Variants in NFATC1 observed in about 807,000 individuals in gnomAD.
NFATC1 encodes the protein nuclear factor of activated T-cells, cytoplasmic 1.
In NFATC1, 22 loss-of-function variants were observed where a neutral mutation model predicts 76.0. That is an observed-to-expected ratio of 0.29 (90% CI 0.21 to 0.41). The LOEUF is 0.41. Ranked by LOEUF, NFATC1 falls within the 10% of genes least tolerant of loss-of-function variation. The pLI, the probability that NFATC1 is intolerant of heterozygous loss-of-function variation, is 1.00. For missense variants in NFATC1, 1,357 were observed against 1,337.7 expected (o/e 1.01, Z -0.23); for synonymous variants, 704 against 613.1 (o/e 1.15, Z -2.19).
chr18:79,433,854 TC>T (rs2086682695), intron 3 of NFATC1, 116 bp downstream of exon 3: 2 of 1,324,950 alleles, frequency 1.5e-6, no homozygotes, highest in South Asian at 3.0e-5. Context: ...GAATGCTCTG[TC>T]GTGGTTAGTC....
At chr18:79,405,359 C>T (rs946590383) in intron 1 of NFATC1, among the ~76,000 whole-genome samples, 2 of 152,212 alleles carry the variant, frequency 1.3e-5, no homozygotes, top group East Asian at 1.9e-4. Context: ...GTGGGGTCAC[C>T]GAGCTCTGTG....
At chr18:79,512,452 A>G (rs1456553119) in intron 9 of NFATC1, among the ~76,000 whole-genome samples, 2 of 152,190 alleles carry the variant, frequency 1.3e-5, no homozygotes, top group Non-Finnish European at 2.9e-5. Flanking sequence ...TTTTCTAGAC[A>G]GCCTCCCAAG....
Position 79,467,490 on chromosome 18 carries a change from G to A in NFATC1, c.2000G>A (p.Arg667Lys). Residue 667 changes from arginine to lysine, a missense_variant, in exon 8 of 10, where the codon AGG becomes AAG. Arg to Lys is a conservative substitution (Grantham distance 26, BLOSUM62 2). This residue lies in a region of NFATC1 where 424 missense variants were observed against 395.4 expected (regional missense o/e 1.07). Transcript: ENST00000427363. ...GAGATCCCGCCATTTCGGAATCAGA[G>A]GATAACCAGCCCCGTTCACGTCAGT... is the stretch of plus-strand genomic sequence containing the variant. ...VVEIPPFRNQ[R>K]ITSPVHVSFY... 2 of 1,611,964 alleles carry A rather than the reference G, an allele frequency of 1.2e-6. No homozygotes were observed. Among genetic ancestry groups the A allele is most frequent in the East Asian group, 2.2e-5 (1 of 44,762 alleles).
intron 6 of NFATC1, among the ~76,000 whole-genome samples, chr18:79,457,719 TC>T: frequency 6.6e-6 from 1 of 152,152 alleles, no homozygotes; most frequent in East Asian, 1.9e-4. Context: ...TGCTCTCCCT[TC>T]CCCCACCCCG....
intron 6 of NFATC1, among the ~76,000 whole-genome samples, chr18:79,461,014 A>C (rs2088040908): frequency 6.6e-6 from 1 of 152,206 alleles, no homozygotes; most frequent in Non-Finnish European, 1.5e-5. Context: ...ATTCCTGAGG[A>C]TGCCCCTGCC....
intron 4 of NFATC1, among the ~76,000 whole-genome samples, chr18:79,449,249 C>T (rs1350768213): frequency 6.6e-6 from 1 of 152,234 alleles, no homozygotes; most frequent in African/African-American, 2.4e-5. Context: ...AGCTTCTAAA[C>T]AGGACCCCTA....
intron 9 of NFATC1, among the ~76,000 whole-genome samples, chr18:79,513,748 C>T (rs539362486): frequency 2.0e-5 from 3 of 152,354 alleles, no homozygotes; most frequent in African/African-American, 7.2e-5. Flanking sequence ...GGTGTGTGGC[C>T]TGTGTGCTGC....
intron 1 of NFATC1, among the ~76,000 whole-genome samples, chr18:79,405,924 C>T (rs1022428086): frequency 1.5e-4 from 23 of 152,222 alleles, no homozygotes; most frequent in African/African-American, 5.5e-4. Flanking sequence ...TTCCTCACTT[C>T]CCCTCACGCC....
chr18:79,448,092 A>C (rs552195664), intron 3 of NFATC1, among the ~76,000 whole-genome samples: 3 of 152,258 alleles, frequency 2.0e-5, no homozygotes, highest in Non-Finnish European at 4.4e-5. Context: ...TTTGAGTCTC[A>C]CCCACACGGC....
At position 79,400,359 on chromosome 18, in the gene NFATC1, C is replaced by G. The variant is rs781102284; in HGVS notation, c.127+4008C>G. 1,147 of 1,394,452 alleles carry G rather than the reference C, an allele frequency of 8.2e-4. 1 individual carries two copies. Among genetic ancestry groups the G allele is most frequent in the Non-Finnish European group, 1.0e-3 (1,077 of 1,068,138 alleles). 86.4% of individuals were successfully genotyped at this position (1,394,452 alleles called of 1,614,324 possible). A position where few individuals can be genotyped will look rare whatever the true frequency, so the allele number is the denominator to read the frequency against. On this transcript the variant is annotated intron_variant, in intron 1 of 9. Coordinates refer to ENST00000427363, the MANE Select transcript of NFATC1 (RefSeq NM_001278669.2). ...AACCGAACCCCTGGCGGCCGCGACCCCGGCTCCCGCCCCGGCCCCGGCCCG... is the reference window on the plus strand; with the variant it reads ...AACCGAACCCCTGGCGGCCGCGACCGCGGCTCCCGCCCCGGCCCCGGCCCG...
rs1206192501 is a variant in NFATC1, at chr18:79,465,913, C to T, written c.1960-1537C>T. Among the ~76,000 whole-genome samples, 1 of 152,272 alleles carries T rather than the reference C, an allele frequency of 6.6e-6. No homozygotes were observed. Among genetic ancestry groups the T allele is most frequent in the East Asian group, 1.9e-4 (1 of 5,198 alleles). On this transcript the variant is annotated intron_variant, in intron 7 of 9. Transcript: ENST00000427363. The surrounding 1 kb of genome is among the most constrained non-coding windows in gnomAD (Gnocchi z 4.2). Reference sequence around the variant, plus strand: ...CCGCCCACTGACAGCACTCATGGCCCCTCCGGCGGCAGCTTCAGCTCCCCT... The same window carrying T: ...CCGCCCACTGACAGCACTCATGGCCTCTCCGGCGGCAGCTTCAGCTCCCCT...
Position 79,461,392 on chromosome 18 carries a change from C to G in NFATC1, c.1959+26C>G, listed in dbSNP as rs750828793. ...GTGAGTGCCTTTGGCGCAGCTGGAGCTACTGTGGGTCCCCAGGGCTTGGGA... is the reference window on the plus strand; with the variant it reads ...GTGAGTGCCTTTGGCGCAGCTGGAGGTACTGTGGGTCCCCAGGGCTTGGGA... On this transcript the variant is annotated intron_variant, in intron 7 of 9. Coordinates refer to ENST00000427363, the MANE Select transcript of NFATC1 (RefSeq NM_001278669.2). The G allele has an allele frequency of 2.5e-6, 4 of 1,613,864 alleles. No homozygotes were observed. The South Asian group carries it at 4.4e-5, about 18-fold the overall frequency.
intron 1 of NFATC1, among the ~76,000 whole-genome samples, chr18:79,399,807 C>T (rs1250981892): frequency 6.6e-6 from 1 of 152,112 alleles, no homozygotes; most frequent in Non-Finnish European, 1.5e-5. Flanking sequence ...CAGCGGGAAT[C>T]CCTGCGCTTC....
At chr18:79,428,933 C>T (rs1405750735) in intron 2 of NFATC1, among the ~76,000 whole-genome samples, 1 of 152,012 alleles carries the variant, frequency 6.6e-6, no homozygotes, top group Non-Finnish European at 1.5e-5. Context: ...AGAAATACAC[C>T]CAGTGGGCTG....
At chr18:79,461,071 C>T (rs1040919580) in intron 6 of NFATC1, among the ~76,000 whole-genome samples, 1 of 152,214 alleles carries the variant, frequency 6.6e-6, no homozygotes, top group African/African-American at 2.4e-5. Flanking sequence ...AGCCCTGAGC[C>T]GCGTGTCCTC....
At chr18:79,440,075 G>A (rs1365256545) in intron 3 of NFATC1, among the ~76,000 whole-genome samples, 3 of 152,190 alleles carry the variant, frequency 2.0e-5, no homozygotes, top group Non-Finnish European at 4.4e-5. Context: ...TGTGGCCTGG[G>A]TCTCCTGACA....
chr18:79,510,414 A>G (rs1029397046), intron 9 of NFATC1, among the ~76,000 whole-genome samples: 1 of 152,238 alleles, frequency 6.6e-6, no homozygotes, highest in African/African-American at 2.4e-5. Flanking sequence ...GAAGTTAAAT[A>G]ATTCACGTTT....
intron 4 of NFATC1, 134 bp downstream of exon 4, chr18:79,449,118 C>A: frequency 2.6e-6 from 2 of 775,470 alleles, no homozygotes; most frequent in Non-Finnish European, 4.0e-6. Flanking sequence ...GTTTAACAGC[C>A]AATAAGTAAA....
intron 1 of NFATC1, among the ~76,000 whole-genome samples, chr18:79,399,502 G>C (rs2085110537): frequency 6.6e-6 from 1 of 152,264 alleles, no homozygotes; most frequent in Admixed American, 6.5e-5. Flanking sequence ...GGAGAGCCCG[G>C]GGGAAGTTAG....
Sources: gnomAD v4.1 joint callset for allele counts (sites outside exome capture counted in the v4.1 genomes callset) on GRCh38, gnomAD v4.1.1 for gene constraint, gnomAD v4.1.1 regional missense constraint, Gnocchi (gnomAD v3.1) non-coding constraint, MANE v1.5 for transcripts, NCBI Gene and HGNC (gene_info 2026-07-23, HGNC 2026-07-21) for gene names.